The following MITF variants were observed in gnomAD, a reference collection of about 807,000 sequenced individuals.
MITF encodes the protein melanocyte inducing transcription factor, also known as microphthalmia-associated transcription factor.
Under a neutral mutation model 60.5 loss-of-function variants are expected in MITF, and 17 were observed. That is an observed-to-expected ratio of 0.28 (90% CI 0.19 to 0.42). The LOEUF is 0.42. Among genes scored for constraint, MITF ranks in the 10% least tolerant of loss-of-function variants. The probability of loss-of-function intolerance (pLI) is 1.00; values close to 1 mark genes in which losing one functional copy is unlikely to be tolerated. For missense variants in MITF, 622 were observed against 683.5 expected (o/e 0.91, Z 1.00); for synonymous variants, 260 against 248.5 (o/e 1.05, Z -0.43).
At chr3:69,958,710 T>C (rs998223291) in intron 8 of MITF, among the ~76,000 whole-genome samples, 1 of 152,212 alleles carries the variant, frequency 6.6e-6, no homozygotes, top group Non-Finnish European at 1.5e-5. Flanking sequence ...CTCTTTAACA[T>C]AGTGTTTAAG....
At chr3:69,844,494 A>G (rs925369005) in intron 1 of MITF, among the ~76,000 whole-genome samples, 2 of 152,170 alleles carry the variant, frequency 1.3e-5, no homozygotes, top group Non-Finnish European at 2.9e-5. Context: ...AGACTTAAAC[A>G]TAAGACCTAA....
chr3:69,791,637 T>C (rs945759759), intron 1 of MITF, among the ~76,000 whole-genome samples: 3 of 152,200 alleles, frequency 2.0e-5, no homozygotes, highest in African/African-American at 7.2e-5. Flanking sequence ...AAGTTCAAAC[T>C]GGCACAGTTT....
intron 1 of MITF, among the ~76,000 whole-genome samples, chr3:69,874,139 C>T (rs1039702234): frequency 1.3e-5 from 2 of 152,160 alleles, no homozygotes; most frequent in Admixed American, 6.5e-5. Context: ...CAAACAAATA[C>T]TAGGCTTTGA....
chr3:69,768,911 A>T (rs552831679), intron 1 of MITF, among the ~76,000 whole-genome samples: 1 of 152,174 alleles, frequency 6.6e-6, no homozygotes, highest in African/African-American at 2.4e-5. Context: ...ATTGCAGCTG[A>T]TGTAGGTGGG....
At chr3:69,960,047 T>G (rs1053378457) in intron 9 of MITF, among the ~76,000 whole-genome samples, 3 of 152,304 alleles carry the variant, frequency 2.0e-5, no homozygotes, top group Admixed American at 6.5e-5. Flanking sequence ...CACAGGAACC[T>G]AACTTGTAAT....
chr3:69,753,390 C>A (rs994077871), intron 1 of MITF, among the ~76,000 whole-genome samples: 1 of 152,228 alleles, frequency 6.6e-6, no homozygotes, highest in African/African-American at 2.4e-5. Flanking sequence ...TAAAGAAACT[C>A]TACTAGGGCA....
At chr3:69,842,871 A>G (rs1052233326) in intron 1 of MITF, among the ~76,000 whole-genome samples, 4 of 151,946 alleles carry the variant, frequency 2.6e-5, no homozygotes, top group Non-Finnish European at 5.9e-5. Flanking sequence ...TGTAAACTTT[A>G]TTTTGTTTGT....
At chr3:69,789,025 T>C (rs1011527317) in intron 1 of MITF, among the ~76,000 whole-genome samples, 6 of 152,100 alleles carry the variant, frequency 3.9e-5, no homozygotes, top group Non-Finnish European at 8.8e-5. Context: ...CATAGTGATA[T>C]TGAACTTAGC....
chr3:69,778,253 G>T (rs561017067), intron 1 of MITF, among the ~76,000 whole-genome samples: 1 of 152,244 alleles, frequency 6.6e-6, no homozygotes, highest in South Asian at 2.1e-4. Context: ...TGGGGAGGAT[G>T]AATATTAATT....
At chr3:69,857,418 C>G (rs902523497) in intron 1 of MITF, among the ~76,000 whole-genome samples, 16 of 151,858 alleles carry the variant, frequency 1.1e-4, no homozygotes, top group African/African-American at 3.6e-4. Flanking sequence ...GTATGATATG[C>G]AAATATGAGA....
chr3:69,741,568 C>A (rs1223241458), intron 1 of MITF, among the ~76,000 whole-genome samples: 1 of 152,126 alleles, frequency 6.6e-6, no homozygotes, highest in Admixed American at 6.5e-5. Flanking sequence ...CAGTAGCTAG[C>A]TAGCAGGCAC....
intron 1 of MITF, among the ~76,000 whole-genome samples, chr3:69,750,591 G>T (rs1166972628): frequency 6.6e-6 from 1 of 151,566 alleles, no homozygotes; most frequent in African/African-American, 2.4e-5. Context: ...TTAGGGCAGT[G>T]GTTCTTAAAC....
At chr3:69,912,510 G>A (rs1278068192) in intron 2 of MITF, among the ~76,000 whole-genome samples, 3 of 152,186 alleles carry the variant, frequency 2.0e-5, no homozygotes, top group Non-Finnish European at 4.4e-5. Flanking sequence ...GTATTTGCTT[G>A]CACATGTTCT....
chr3:69,956,564 A>G, intron 8 of MITF, 34 bp downstream of exon 8: 2 of 1,544,214 alleles, frequency 1.3e-6, no homozygotes, highest in Non-Finnish European at 9.0e-7. Flanking sequence ...TGCATCATAT[A>G]TTTTTCGTAC....
chr3:69,848,967 T>C (rs1175156150), intron 1 of MITF, among the ~76,000 whole-genome samples: 2 of 139,744 alleles, frequency 1.4e-5, no homozygotes, highest in Non-Finnish European at 3.1e-5. Context: ...CTTTTTTTTT[T>C]TTTTTTTTTT....
rs747980967 is a variant in MITF at position 69,937,788 on chromosome 3, C to T, written c.355-34C>T. On this transcript the variant is annotated intron_variant, in intron 2 of 9. Transcript: ENST00000352241. ...GCCGTCTGAAACTCACAAATAACAGCGCTGTTTTCTTTTCCCTCCATGGCT... is the reference window on the plus strand; with the variant it reads ...GCCGTCTGAAACTCACAAATAACAGTGCTGTTTTCTTTTCCCTCCATGGCT... The T allele has an allele frequency of 2.9e-5, 45 of 1,570,440 alleles. No homozygotes were observed. In the Middle Eastern group the frequency reaches 1.3e-3, roughly 47 times the overall value.
chr3:69,776,815 A>G (rs1233773945), intron 1 of MITF, among the ~76,000 whole-genome samples: 2 of 152,188 alleles, frequency 1.3e-5, no homozygotes, highest in Non-Finnish European at 2.9e-5. Context: ...CTCATAGCAA[A>G]GACTTTTCTT....
At chr3:69,768,741 A>G (rs2062342337) in intron 1 of MITF, among the ~76,000 whole-genome samples, 1 of 152,142 alleles carries the variant, frequency 6.6e-6, no homozygotes, top group South Asian at 2.1e-4. Flanking sequence ...TCCTCCCCCT[A>G]ATAGAAATCT....
chr3:69,843,564 A>G (rs867449846), intron 1 of MITF, among the ~76,000 whole-genome samples: 77 of 152,196 alleles, frequency 5.1e-4, no homozygotes, highest in African/African-American at 1.8e-3. Context: ...GGGTGTTACA[A>G]TGTCCTTTTT....
Sources: gnomAD v4.1 joint callset for allele counts (sites outside exome capture counted in the v4.1 genomes callset) on GRCh38, gnomAD v4.1.1 for gene constraint, MANE v1.5 for transcripts, NCBI Gene and HGNC (gene_info 2026-07-23, HGNC 2026-07-21) for gene names.